Variants in CFAP43 observed in about 807,000 individuals in gnomAD.
CFAP43 encodes cilia and flagella associated protein 43.
A neutral mutation model predicts 218.9 loss-of-function variants in CFAP43; 155 were observed. The ratio of observed to expected loss-of-function variants is 0.71; its 90% CI spans 0.62 to 0.81. The LOEUF (loss-of-function observed/expected upper bound fraction) is 0.81, where lower values mean the gene tolerates loss of function less well. CFAP43 is among the 30% of genes least tolerant of loss of function. The pLI is 0.00. For synonymous variants in CFAP43, 645 were observed against 681.3 expected, an observed-to-expected ratio of 0.95 and a Z score of 0.83; for missense variants, 1,778 against 1,954.3, an observed-to-expected ratio of 0.91 and a Z score of 1.70.
intron 12 of CFAP43, among the ~76,000 whole-genome samples, chr10:104,190,028 C>T (rs1029073378): frequency 3.4e-5 from 5 of 149,138 alleles, no homozygotes; most frequent in Non-Finnish European, 7.4e-5. Context: ...ATTAGCCTGG[C>T]GCGGTGGCGG....
intron 9 of CFAP43, among the ~76,000 whole-genome samples, chr10:104,197,153 T>A (rs1411147110): frequency 6.6e-6 from 1 of 152,156 alleles, no homozygotes; most frequent in Non-Finnish European, 1.5e-5. Flanking sequence ...CTAATTAGTA[T>A]TAGAAAAGTA....
chr10:104,146,214 C>T, intron 30 of CFAP43, 49 bp downstream of exon 30: 1 of 1,456,348 alleles, frequency 6.9e-7, no homozygotes. Context: ...CCAATCCAGG[C>T]AGCAACAACT....
At chr10:104,137,100 G>A (rs573277921) in intron 34 of CFAP43, among the ~76,000 whole-genome samples, 1 of 152,240 alleles carries the variant, frequency 6.6e-6, no homozygotes, top group East Asian at 1.9e-4. Context: ...ATGACCATAC[G>A]ATCCAGCAAT....
At chr10:104,161,709 T>TA (rs905061664) in intron 26 of CFAP43, among the ~76,000 whole-genome samples, 3 of 152,146 alleles carry the variant, frequency 2.0e-5, no homozygotes, top group Admixed American at 2.0e-4. Flanking sequence ...CAGCTCACTG[T>TA]AGCCTTGAAC....
intron 3 of CFAP43, among the ~76,000 whole-genome samples, chr10:104,216,951 G>C (rs1432369587): frequency 6.6e-6 from 1 of 152,122 alleles, no homozygotes; most frequent in Non-Finnish European, 1.5e-5. Context: ...GAGTCTCCTA[G>C]GTGGGTCCCT....
intron 10 of CFAP43, among the ~76,000 whole-genome samples, chr10:104,194,958 A>C (rs2090343312): frequency 6.6e-6 from 1 of 152,206 alleles, no homozygotes; most frequent in African/African-American, 2.4e-5. Flanking sequence ...GTAAAATTGA[A>C]AACCTCTGTG....
At chr10:104,184,676 A>G (rs1024231123) in intron 16 of CFAP43, among the ~76,000 whole-genome samples, 1 of 152,070 alleles carries the variant, frequency 6.6e-6, no homozygotes, top group Non-Finnish European at 1.5e-5. Context: ...CCCAGGGCCA[A>G]GTATGAGACA....
At position 104,230,819 on chromosome 10, in the gene CFAP43, C is replaced by A. The variant is rs1303853240; in HGVS notation, c.90G>T (p.Gln30His). 6.2e-7 allele frequency: 1 copy of A among 1,612,580 alleles called. No individual in the cohort carries two copies. Among genetic ancestry groups the A allele is most frequent in the East Asian group, 2.2e-5 (1 of 44,884 alleles). The change falls in exon 2 of 38, where the codon CAG becomes CAT. Residue 30 changes from glutamine to histidine, a missense_variant. By Grantham distance (24) the Gln-to-His change is conservative. Around this residue, in one of 3 missense-constraint regions of CFAP43, gnomAD observed 1,553 missense variants for 1,685.2 expected, o/e 0.92. Coordinates refer to ENST00000357060, the MANE Select transcript of CFAP43 (RefSeq NM_025145.7). Reference protein sequence around the residue: ...SVRWVQGFPKQNVHFVNDNTI... With the variant: ...SVRWVQGFPKHNVHFVNDNTI... ...TGTTGTCGTTGACAAAATGAACATT[C>A]TGCTTAGGGAATCCTTGCACCCATC...
At chr10:104,132,283 C>A in intron 35 of CFAP43, 87 bp from the exon 36 acceptor site, 1 of 1,007,446 alleles carries the variant, frequency 9.9e-7, no homozygotes, top group Non-Finnish European at 1.4e-6. Flanking sequence ...TTGAAAGTTA[C>A]TGTTTTTCAT....
At chr10:104,150,375 G>A (rs1395503967) in intron 28 of CFAP43, among the ~76,000 whole-genome samples, 2 of 152,110 alleles carry the variant, frequency 1.3e-5, no homozygotes, top group Non-Finnish European at 2.9e-5. Context: ...AAGGCTACAG[G>A]TCTTGCTGGT....
At chr10:104,227,901 C>T (rs1424395589) in intron 2 of CFAP43, among the ~76,000 whole-genome samples, 1 of 120,770 alleles carries the variant, frequency 8.3e-6, no homozygotes, top group East Asian at 2.6e-4. Context: ...GGCTGGAGTG[C>T]AGTGGCGTGA....
intron 30 of CFAP43, 67 bp downstream of exon 30, chr10:104,146,196 A>C: frequency 7.6e-7 from 1 of 1,312,708 alleles, no homozygotes; most frequent in South Asian, 1.2e-5. Context: ...ATCCCCTTTA[A>C]CCTTCCTCCA....
chr10:104,145,597 C>G, intron 30 of CFAP43, 33 bp from the exon 31 acceptor site: 1 of 1,474,080 alleles, frequency 6.8e-7, no homozygotes, highest in South Asian at 1.2e-5. Flanking sequence ...AGGACTGCAA[C>G]TTGGTTTGGA....
chr10:104,230,744 G>A lies in CFAP43; in HGVS notation c.165C>T (p.Thr55=). The A allele has an allele frequency of 1.9e-6, 3 of 1,613,922 alleles. No individual in the cohort carries two copies. Among genetic ancestry groups the A allele is most frequent in the Non-Finnish European group, 2.5e-6 (3 of 1,179,966 alleles). Residue 55 remains threonine, a synonymous_variant, in exon 2 of 38, where the codon ACC becomes ACT. Transcript: ENST00000357060. ...GNYVIFINIE[T]KKKTVLQCSN... is the part of the protein sequence containing the mutation. ...TACACTGCAGTACAGTCTTTTTCTT[G>A]GTTTCAATATTAATAAATATTACAT...
At chr10:104,223,780 A>G (rs545114671) in intron 3 of CFAP43, among the ~76,000 whole-genome samples, 1 of 152,234 alleles carries the variant, frequency 6.6e-6, no homozygotes, top group Non-Finnish European at 1.5e-5. Context: ...AATACAGTAC[A>G]TCCATCAACA....
chr10:104,188,249 G>T (rs2090094738), intron 13 of CFAP43, 21 bp downstream of exon 13: 1 of 1,612,192 alleles, frequency 6.2e-7, no homozygotes, highest in Admixed American at 1.7e-5. Context: ...GAGCAGAACT[G>T]GCTGCTTATG....
rs1261388395 is a variant in CFAP43, at chr10:104,192,382, G to A, written c.1443-80C>T. ...TGAACAAGTTTATTGAATGGCCACAGAGATATGTTCAAAGCCAGTCATTTT... is the reference window on the plus strand; with the variant it reads ...TGAACAAGTTTATTGAATGGCCACAAAGATATGTTCAAAGCCAGTCATTTT... On this transcript the variant is annotated intron_variant, in intron 11 of 37. Coordinates refer to ENST00000357060, the MANE Select transcript of CFAP43 (RefSeq NM_025145.7). The A allele has an allele frequency of 6.6e-6, 7 of 1,053,692 alleles. No homozygotes were observed. In the East Asian group the frequency reaches 1.2e-4, roughly 18 times the overall value. 65.3% of individuals were successfully genotyped at this position (1,053,692 alleles called of 1,614,324 possible). A position where few individuals can be genotyped will look rare whatever the true frequency, so the allele number is the denominator to read the frequency against.
chr10:104,196,820 T>G, intron 10 of CFAP43, 33 bp downstream of exon 10: 1 of 1,521,508 alleles, frequency 6.6e-7, no homozygotes, highest in African/African-American at 1.4e-5. Flanking sequence ...GAATTCAGTA[T>G]TTTTTTAAAA....
chr10:104,163,483 A>G (rs1160593910), intron 24 of CFAP43, among the ~76,000 whole-genome samples: 1 of 152,146 alleles, frequency 6.6e-6, no homozygotes, highest in African/African-American at 2.4e-5. Context: ...AAAATGAAAT[A>G]TTGTCAGATT....
Sources: gnomAD v4.1 joint callset for allele counts (sites outside exome capture counted in the v4.1 genomes callset) on GRCh38, gnomAD v4.1.1 for gene constraint, gnomAD v4.1.1 regional missense constraint, MANE v1.5 for transcripts, NCBI Gene and HGNC (gene_info 2026-07-23, HGNC 2026-07-21) for gene names.